FGD4: variants seen among roughly 807,000 people sequenced by gnomAD.
The protein encoded by FGD4 is FYVE, RhoGEF and PH domain-containing protein 4.
In FGD4, 42 loss-of-function variants were observed where a neutral mutation model predicts 102.0. That is an observed-to-expected ratio of 0.41 (90% CI 0.32 to 0.53). The LOEUF (loss-of-function observed/expected upper bound fraction) is 0.53, where lower values mean the gene tolerates loss of function less well. Among genes scored for constraint, FGD4 ranks in the 20% least tolerant of loss-of-function variants. The pLI, the probability that FGD4 is intolerant of heterozygous loss-of-function variation, is 0.21. For synonymous variants in FGD4, 380 were observed against 375.7 expected (o/e 1.01, Z -0.13); for missense variants, 902 against 1,078.2 (o/e 0.84, Z 2.29).
intron 1 of FGD4, among the ~76,000 whole-genome samples, chr12:32,405,770 T>A (rs1391366961): frequency 6.6e-6 from 1 of 152,096 alleles, no homozygotes; most frequent in African/African-American, 2.4e-5. Flanking sequence ...TCACCTGCTG[T>A]TGGAGTCAGT....
chr12:32,447,947 T>C (rs1353887079), intron 1 of FGD4, among the ~76,000 whole-genome samples: 1 of 152,186 alleles, frequency 6.6e-6, no homozygotes, highest in African/African-American at 2.4e-5. Flanking sequence ...AGGCAGAAGG[T>C]GTATATTTTC....
At chr12:32,543,926 CGGAAAT>C (rs1943041297) in intron 1 of FGD4, among the ~76,000 whole-genome samples, 1 of 151,998 alleles carries the variant, frequency 6.6e-6, no homozygotes, top group South Asian at 2.1e-4. Flanking sequence ...CGCACCCAGC[CGGAAAT>C]TACAAGAGAT....
At chr12:32,409,079 C>G (rs530601722) in intron 1 of FGD4, among the ~76,000 whole-genome samples, 1 of 152,228 alleles carries the variant, frequency 6.6e-6, no homozygotes, top group South Asian at 2.1e-4. Context: ...TCCTGACTTT[C>G]CTTGGCAATT....
At chr12:32,612,302 G>A (rs1026285743) in intron 10 of FGD4, among the ~76,000 whole-genome samples, 16 of 152,216 alleles carry the variant, frequency 1.1e-4, no homozygotes, top group African/African-American at 2.7e-4. Flanking sequence ...CGCGTGACCC[G>A]GACCCTGTGC....
intron 4 of FGD4, among the ~76,000 whole-genome samples, chr12:32,586,742 A>G (rs1947071259): frequency 6.6e-6 from 1 of 152,230 alleles, no homozygotes; most frequent in South Asian, 2.1e-4. Flanking sequence ...GGGTTAAGTC[A>G]GGTTCAACTC....
rs749192271 is a variant in FGD4, at chr12:32,399,905, C to G, written c.112C>G (p.Leu38Val). Residue 38 changes from leucine (L) to valine (V), a missense_variant, in exon 1 of 17, where the codon CTG becomes GTG. Physicochemically the swap from Leu to Val is conservative, Grantham distance 32. This residue lies in a region of FGD4 where 443 missense variants were observed against 459.2 expected (regional missense o/e 0.96). Coordinates refer to ENST00000534526, the MANE Select transcript of FGD4 (RefSeq NM_001370298.3). ...PRPWSRPASHLGRVGTAAFKG... is the reference protein window; with the variant it reads ...PRPWSRPASHVGRVGTAAFKG... The stretch of plus-strand genomic sequence containing the variant: ...GCCCTGGAGCAGGCCCGCGTCGCAC[C>G]TGGGACGTGTAGGGACCGCTGCCTT... 6.5e-6 allele frequency: 10 copies of G among 1,527,642 alleles called. No individual in the cohort carries two copies. The South Asian group carries it at 1.2e-4, about 18-fold the overall frequency. The allele number at this position is 1,527,642 out of a possible 1,614,324, so 94.6% of individuals were successfully genotyped here.
intron 1 of FGD4, among the ~76,000 whole-genome samples, chr12:32,560,571 A>G (rs1177854548): frequency 6.6e-6 from 1 of 152,156 alleles, no homozygotes; most frequent in Admixed American, 6.6e-5. Context: ...TTTTAATAAT[A>G]ATCTGTCAAT....
intron 1 of FGD4, among the ~76,000 whole-genome samples, chr12:32,414,325 G>C (rs969641048): frequency 6.6e-6 from 1 of 151,914 alleles, no homozygotes; most frequent in Admixed American, 6.6e-5. Flanking sequence ...TATAGAGTTG[G>C]TGTATATATT....
rs184534898 is a variant in FGD4, at chr12:32,634,041, C to T, written c.2313+352C>T. On this transcript the variant is annotated intron_variant, in intron 15 of 16. Coordinates refer to ENST00000534526, the MANE Select transcript of FGD4 (RefSeq NM_001370298.3). The stretch of plus-strand genomic sequence containing the variant: ...GCTATGAGGAATACAAATAATATAT[C>T]TTTGTTATTTCTTTGAGTGTTTAAC... 2.4e-3 allele frequency among the ~76,000 whole-genome samples: 365 copies of T among 152,306 alleles called. 4 individuals carry two copies. Among genetic ancestry groups the T allele is most frequent in the African/African-American group, 8.0e-3 (331 of 41,560 alleles).
rs114122943 is a variant in FGD4, at chr12:32,506,756, A to T, written c.167-57381A>T. The stretch of plus-strand genomic sequence containing the variant: ...CCATTCCTATTGCGATGTGGAGGAT[A>T]TGGCATTGAGCACAATGGGCAAGAT... On this transcript the variant is annotated intron_variant, in intron 1 of 16. Transcript: ENST00000534526. The surrounding 1 kb of genome is among the most constrained non-coding windows in gnomAD (Gnocchi z 4.5). Among the ~76,000 whole-genome samples, 3,867 of 152,246 alleles carry T rather than the reference A, an allele frequency of 0.025. 164 individuals are homozygous for T. Among genetic ancestry groups the T allele is most frequent in the African/African-American group, 0.087 (3,617 of 41,520 alleles).
chr12:32,592,133 G>A (rs564885061), intron 4 of FGD4, among the ~76,000 whole-genome samples: 82 of 151,892 alleles, frequency 5.4e-4, no homozygotes, highest in African/African-American at 1.9e-3. Context: ...CCCAGGCTGC[G>A]GTGCAATGGT....
chr12:32,537,179 A>G (rs1378297842), intron 1 of FGD4, among the ~76,000 whole-genome samples: 1 of 152,130 alleles, frequency 6.6e-6, no homozygotes, highest in African/African-American at 2.4e-5. Context: ...AAGTGCTGGG[A>G]TTACAGGCGT....
intron 1 of FGD4, chr12:32,534,296 G>A: frequency 7.5e-7 from 1 of 1,328,124 alleles, no homozygotes; most frequent in East Asian, 2.8e-5. Context: ...TCCTTGGGCA[G>A]TAAGTTCGAA....
chr12:32,534,496 A>C (rs1303326747), intron 1 of FGD4: 3 of 1,489,470 alleles, frequency 2.0e-6, no homozygotes, highest in Non-Finnish European at 2.7e-6. Context: ...TCCACTGATC[A>C]AGGTAAGTGG....
In FGD4 at chr12:32,582,246, A is replaced by G. The variant is rs768685900; in HGVS notation, c.790A>G (p.Ile264Val). Residue 264 changes from isoleucine (I) to valine (V), a missense_variant, in exon 4 of 17, where the codon ATA becomes GTA. Around this residue, in one of 2 missense-constraint regions of FGD4, gnomAD observed 443 missense variants for 459.2 expected, o/e 0.96. Coordinates refer to ENST00000534526, the MANE Select transcript of FGD4 (RefSeq NM_001370298.3). ...QASEPLLDTH[I>V]VNGERDETAT... ...TTCTGAACCCTTGCTTGATACGCAC[A>G]TAGTGAATGGAGAAAGAGATGAAAC... The G allele has an allele frequency of 6.8e-6, 11 of 1,614,250 alleles. No homozygotes were observed. The highest frequency in any genetic ancestry group is 1.3e-5 in the African/African-American group (1 of 75,058).
At chr12:32,468,536 A>G (rs1355556904) in intron 1 of FGD4, among the ~76,000 whole-genome samples, 2 of 152,160 alleles carry the variant, frequency 1.3e-5, no homozygotes, top group Non-Finnish European at 2.9e-5. Flanking sequence ...GTGTGCCTTT[A>G]CGTTAATATT....
intron 1 of FGD4, among the ~76,000 whole-genome samples, chr12:32,481,306 A>G (rs1317425399): frequency 2.0e-5 from 3 of 152,002 alleles, no homozygotes; most frequent in Non-Finnish European, 4.4e-5. Context: ...CCATACAAAA[A>G]TTAGCTGCCA....
chr12:32,562,903 C>T (rs1389861643), intron 1 of FGD4, among the ~76,000 whole-genome samples: 8 of 152,252 alleles, frequency 5.3e-5, no homozygotes, highest in Non-Finnish European at 7.4e-5. Flanking sequence ...ATTGTCATCC[C>T]GGCCCGTTCT....
chr12:32,631,507 T>TG (rs1159575713), intron 14 of FGD4, among the ~76,000 whole-genome samples: 4 of 149,398 alleles, frequency 2.7e-5, no homozygotes, highest in African/African-American at 7.4e-5. Flanking sequence ...AAACAGCTTT[T>TG]TTTTTTTTTT....
Sources: allele counts gnomAD v4.1 joint callset (sites outside exome capture counted in the v4.1 genomes callset), GRCh38; gene constraint gnomAD v4.1.1; regional missense constraint gnomAD v4.1.1; non-coding constraint Gnocchi (gnomAD v3.1); transcripts MANE v1.5; gene names NCBI Gene and HGNC (gene_info 2026-07-23, HGNC 2026-07-21).